The following DOCK3 variants were observed in gnomAD, a reference collection of about 807,000 sequenced individuals.
DOCK3 encodes dedicator of cytokinesis 3.
DOCK3 carries 60 observed loss-of-function variants against 265.6 expected under a neutral mutation model. That is an observed-to-expected ratio of 0.23 (90% confidence interval 0.18 to 0.28). The LOEUF is 0.28. Ranked by LOEUF, DOCK3 falls within the 10% of genes least tolerant of loss-of-function variation. The pLI is 1.00. For synonymous variants in DOCK3, 881 were observed against 938.0 expected (o/e 0.94, Z 1.11); for missense variants, 1,981 against 2,594.3 (o/e 0.76, Z 5.14).
intron 21 of DOCK3, among the ~76,000 whole-genome samples, chr3:51,239,101 C>T (rs979645681): frequency 6.6e-6 from 1 of 152,246 alleles, no homozygotes; most frequent in Non-Finnish European, 1.5e-5. Flanking sequence ...TCATTTTTCT[C>T]TGCAACCTTG....
chr3:51,131,093 C>T lies in DOCK3; in HGVS notation c.747-15456C>T, dbSNP rs182255976. Reference sequence around the variant, plus strand: ...GCCTTTCCCACCGTAATAGCCCTCTCCCTACCAGTCAGGAAGCCAATGTGG... The same window carrying T: ...GCCTTTCCCACCGTAATAGCCCTCTTCCTACCAGTCAGGAAGCCAATGTGG... On this transcript the variant is annotated intron_variant, in intron 9 of 52. Coordinates refer to ENST00000266037, the MANE Select transcript of DOCK3 (RefSeq NM_004947.5). Among the ~76,000 whole-genome samples, 526 of 152,278 alleles carry T rather than the reference C, an allele frequency of 3.5e-3. 3 individuals are homozygous for T. Among genetic ancestry groups the T allele is most frequent in the Middle Eastern group, 6.8e-3 (2 of 294 alleles).
intron 2 of DOCK3, among the ~76,000 whole-genome samples, chr3:50,832,694 A>G (rs1292452693): frequency 6.6e-6 from 1 of 152,084 alleles, no homozygotes; most frequent in Non-Finnish European, 1.5e-5. Context: ...CGCCTCTGAC[A>G]TATTTTTCTT....
At chr3:50,937,276 T>TAA (rs60209788) in intron 5 of DOCK3, among the ~76,000 whole-genome samples, 29,032 of 110,412 alleles carry the variant, frequency 0.26, 4,683 homozygotes, top group South Asian at 0.42. Flanking sequence ...AAACTCCATC[T>TAA]AAAAAAAAAA....
At chr3:50,862,766 C>T (rs1257330282) in intron 3 of DOCK3, among the ~76,000 whole-genome samples, 1 of 152,182 alleles carries the variant, frequency 6.6e-6, no homozygotes, top group Non-Finnish European at 1.5e-5. Context: ...ATTGGCTGTC[C>T]TTTATTGCCA....
At chr3:50,873,954 T>C (rs921036820) in intron 3 of DOCK3, among the ~76,000 whole-genome samples, 4 of 152,140 alleles carry the variant, frequency 2.6e-5, no homozygotes, top group Admixed American at 2.6e-4. Context: ...AAAACTGTTT[T>C]TTCTACTTCT....
At chr3:51,290,629 A>G (rs2081689104) in intron 27 of DOCK3, among the ~76,000 whole-genome samples, 1 of 152,200 alleles carries the variant, frequency 6.6e-6, no homozygotes, top group Non-Finnish European at 1.5e-5. Flanking sequence ...GCACATGTAT[A>G]TATATGTAAC....
chr3:50,691,378 T>C (rs1345617388), intron 1 of DOCK3, among the ~76,000 whole-genome samples: 1 of 152,172 alleles, frequency 6.6e-6, no homozygotes, highest in Non-Finnish European at 1.5e-5. Flanking sequence ...ATCCATGGTG[T>C]AGTCTATGTT....
chr3:51,288,474 C>A (rs2081541008), intron 27 of DOCK3, among the ~76,000 whole-genome samples: 1 of 151,110 alleles, frequency 6.6e-6, no homozygotes, highest in African/African-American at 2.4e-5. Flanking sequence ...GGGTGAGGAT[C>A]AAAAAACTAC....
intron 2 of DOCK3, chr3:50,787,130 T>G (rs1290205137): frequency 4.3e-6 from 3 of 690,328 alleles, no homozygotes; most frequent in Non-Finnish European, 8.1e-6. Context: ...AAATGTTTTT[T>G]TCACAGTCTG....
intron 4 of DOCK3, among the ~76,000 whole-genome samples, chr3:50,925,824 CTTTTTTTTTTTTT>C (rs368819970): frequency 1.1e-5 from 1 of 88,424 alleles, no homozygotes; most frequent in Non-Finnish European, 2.2e-5. Flanking sequence ...TAAAACTAGT[CTTTTTTTTTTTTT>C]TTTTTTTTTT....
intron 22 of DOCK3, among the ~76,000 whole-genome samples, chr3:51,259,684 C>G (rs1435751619): frequency 6.6e-6 from 1 of 152,056 alleles, no homozygotes; most frequent in East Asian, 1.9e-4. Flanking sequence ...CTGTGTCAGG[C>G]CCCAGCTATA....
At chr3:51,075,732 T>A (rs2082035639) in intron 7 of DOCK3, among the ~76,000 whole-genome samples, 1 of 152,208 alleles carries the variant, frequency 6.6e-6, no homozygotes. Context: ...TATGTCTCTT[T>A]CCTCTCACCT....
At chr3:50,893,257 A>G (rs2048727532) in intron 4 of DOCK3, 2 of 310,218 alleles carry the variant, frequency 6.4e-6, no homozygotes, top group South Asian at 5.4e-5. Flanking sequence ...ATATTCAATA[A>G]CAGACCCTAA....
At chr3:50,979,142 G>C (rs936998068) in intron 5 of DOCK3, among the ~76,000 whole-genome samples, 2 of 152,114 alleles carry the variant, frequency 1.3e-5, no homozygotes, top group African/African-American at 4.8e-5. Context: ...GACCGGAGCT[G>C]TTCCTATTCG....
intron 3 of DOCK3, among the ~76,000 whole-genome samples, chr3:50,863,758 G>T (rs946468424): frequency 6.6e-6 from 1 of 152,098 alleles, no homozygotes; most frequent in Non-Finnish European, 1.5e-5. Context: ...AATGATCACC[G>T]GTTCCATTTA....
intron 4 of DOCK3, among the ~76,000 whole-genome samples, chr3:50,922,381 T>C (rs1305128528): frequency 2.0e-5 from 3 of 152,226 alleles, no homozygotes; most frequent in Non-Finnish European, 4.4e-5. Flanking sequence ...TCTCCTGGTG[T>C]GCTGTTTGCT....
intron 4 of DOCK3, among the ~76,000 whole-genome samples, chr3:50,910,355 T>C (rs563330718): frequency 6.6e-6 from 1 of 152,068 alleles, no homozygotes; most frequent in Non-Finnish European, 1.5e-5. Flanking sequence ...GCAGTGCAGC[T>C]CAGGGAGAGA....
chr3:50,730,133 G>C (rs778038119), intron 1 of DOCK3, among the ~76,000 whole-genome samples: 1 of 151,896 alleles, frequency 6.6e-6, no homozygotes, highest in African/African-American at 2.4e-5. Flanking sequence ...TTGCACTAAC[G>C]CTTTTAAAAA....
intron 3 of DOCK3, among the ~76,000 whole-genome samples, chr3:50,874,357 A>G (rs2047592976): frequency 6.6e-6 from 1 of 151,988 alleles, no homozygotes; most frequent in African/African-American, 2.4e-5. Context: ...AAAAGAAAAA[A>G]TTAGCTGGGC....
Sources: gnomAD v4.1 joint callset for allele counts (sites outside exome capture counted in the v4.1 genomes callset) on GRCh38, gnomAD v4.1.1 for gene constraint, MANE v1.5 for transcripts, NCBI Gene and HGNC (gene_info 2026-07-23, HGNC 2026-07-21) for gene names.